PLXNA4: variants seen among roughly 807,000 people sequenced by gnomAD.
The protein encoded by PLXNA4 is plexin A4, also known as plexin-A4.
In PLXNA4, 44 loss-of-function variants were observed where a neutral mutation model predicts 191.8. That is an observed-to-expected ratio of 0.23 (90% confidence interval 0.18 to 0.29). The LOEUF (loss-of-function observed/expected upper bound fraction) is 0.29, where lower values mean the gene tolerates loss of function less well. PLXNA4 is among the 10% of genes least tolerant of loss of function. The pLI is 1.00. For synonymous variants in PLXNA4, 1,082 were observed against 1,009.5 expected (o/e 1.07, Z -1.36); for missense variants, 1,800 against 2,488.8 (o/e 0.72, Z 5.89).
intron 3 of PLXNA4, among the ~76,000 whole-genome samples, chr7:132,345,522 A>G (rs1389791292): frequency 6.6e-6 from 1 of 152,112 alleles, no homozygotes; most frequent in Non-Finnish European, 1.5e-5. Flanking sequence ...CATCCCAACT[A>G]CTGGGAAAGG....
chr7:132,203,993 G>T (rs936269929), intron 10 of PLXNA4, among the ~76,000 whole-genome samples: 1 of 152,178 alleles, frequency 6.6e-6, no homozygotes, highest in Admixed American at 6.5e-5. Context: ...GGGGATGAGA[G>T]GCTGGGGGTT....
chr7:132,535,794 A>G (rs1002981152), intron 1 of PLXNA4, among the ~76,000 whole-genome samples: 6 of 151,720 alleles, frequency 4.0e-5, no homozygotes, highest in Non-Finnish European at 8.8e-5. Context: ...CCCCTGCACC[A>G]ATAGGAGCTA....
At chr7:132,280,172 G>A (rs540791377) in intron 4 of PLXNA4, among the ~76,000 whole-genome samples, 2 of 152,256 alleles carry the variant, frequency 1.3e-5, no homozygotes, top group East Asian at 3.9e-4. Context: ...CCAGCAGTTT[G>A]AAAAACACTG....
intron 3 of PLXNA4, among the ~76,000 whole-genome samples, chr7:132,432,415 C>T (rs1795297725): frequency 6.6e-6 from 1 of 152,226 alleles, no homozygotes; most frequent in Non-Finnish European, 1.5e-5. Context: ...CCTACTCCTG[C>T]ATTGCCATCT....
At chr7:132,387,818 C>A (rs1481450679) in intron 3 of PLXNA4, among the ~76,000 whole-genome samples, 3 of 152,096 alleles carry the variant, frequency 2.0e-5, no homozygotes, top group Non-Finnish European at 2.9e-5. Flanking sequence ...TGACTGGCTG[C>A]AAGTTTGATT....
upstream of PLXNA4, among the ~76,000 whole-genome samples, chr7:132,580,943 G>A (rs1472259518): frequency 6.6e-6 from 1 of 152,186 alleles, no homozygotes; most frequent in Non-Finnish European, 1.5e-5. Flanking sequence ...CCACAGCTCA[G>A]CAGAGGAGGC....
chr7:132,412,789 C>G (rs1794512080), intron 3 of PLXNA4, among the ~76,000 whole-genome samples: 1 of 152,184 alleles, frequency 6.6e-6, no homozygotes, highest in African/African-American at 2.4e-5. Flanking sequence ...TTCCAGAGAG[C>G]TCACTGCTTG....
chr7:132,380,183 A>G (rs10240055), intron 3 of PLXNA4, among the ~76,000 whole-genome samples: 25,525 of 152,120 alleles, frequency 0.17, 2,730 homozygotes, highest in African/African-American at 0.28. Context: ...TTAATGAATC[A>G]AAATACCAAA....
intron 2 of PLXNA4, among the ~76,000 whole-genome samples, chr7:132,604,507 G>A (rs185389528): frequency 7.8e-4 from 119 of 152,206 alleles, no homozygotes; most frequent in African/African-American, 2.7e-3. Context: ...TGCTGGTTTC[G>A]TTACATGAAA....
chr7:132,132,392 G>C (rs564840886), intron 31 of PLXNA4, among the ~76,000 whole-genome samples: 1 of 39,134 alleles, frequency 2.6e-5, no homozygotes, highest in South Asian at 9.7e-4. Context: ...GTTCTGTTCT[G>C]TTCTGTTCTG....
At chr7:132,567,947 TA>T (rs1801808805) in intron 1 of PLXNA4, among the ~76,000 whole-genome samples, 1 of 152,068 alleles carries the variant, frequency 6.6e-6, no homozygotes, top group Non-Finnish European at 1.5e-5. Flanking sequence ...AATCAGTGGT[TA>T]GGGGCAAGTG....
intron 3 of PLXNA4, among the ~76,000 whole-genome samples, chr7:132,468,741 CACACACACACACACAAT>C (rs1248198831): frequency 1.6e-5 from 2 of 124,966 alleles, no homozygotes; most frequent in Non-Finnish European, 3.4e-5. Context: ...CACGCACACA[CACACACACACACACAAT>C]ACACACACAC....
chr7:132,403,065 G>A (rs532727825), intron 3 of PLXNA4, among the ~76,000 whole-genome samples: 1 of 152,358 alleles, frequency 6.6e-6, no homozygotes, highest in East Asian at 1.9e-4. Flanking sequence ...GTGTGGTTCA[G>A]AGCCAGAGAG....
At chr7:132,530,980 G>C (rs1369410492) in intron 1 of PLXNA4, among the ~76,000 whole-genome samples, 2 of 152,158 alleles carry the variant, frequency 1.3e-5, no homozygotes, top group African/African-American at 2.4e-5. Flanking sequence ...AGACATAAAA[G>C]GACAAATATT....
intron 4 of PLXNA4, among the ~76,000 whole-genome samples, chr7:132,265,913 A>T (rs1453021550): frequency 6.6e-6 from 1 of 152,234 alleles, no homozygotes; most frequent in Admixed American, 6.5e-5. Flanking sequence ...ATGGAGGTGC[A>T]CACAGGTCCT....
chr7:132,470,407 C>A (rs1796890172), intron 3 of PLXNA4, among the ~76,000 whole-genome samples: 1 of 152,192 alleles, frequency 6.6e-6, no homozygotes, highest in Admixed American at 6.5e-5. Flanking sequence ...CTCAGTAGAC[C>A]TATCTGGTCC....
At chr7:132,639,344 G>A (rs1803670809) in intron 2 of PLXNA4, among the ~76,000 whole-genome samples, 1 of 152,158 alleles carries the variant, frequency 6.6e-6, no homozygotes, top group Non-Finnish European at 1.5e-5. Context: ...CAAACCTCAT[G>A]CTCTTGCGTC....
chr7:132,436,756 G>A (rs1179808951), intron 3 of PLXNA4, among the ~76,000 whole-genome samples: 1 of 152,156 alleles, frequency 6.6e-6, no homozygotes, highest in African/African-American at 2.4e-5. Flanking sequence ...GCGAGAGAGA[G>A]GAAAGGAGAA....
chr7:132,253,786 C>A (rs1404943026), intron 4 of PLXNA4, among the ~76,000 whole-genome samples: 2 of 152,128 alleles, frequency 1.3e-5, no homozygotes, highest in Non-Finnish European at 2.9e-5. Flanking sequence ...CTGCAGAAAA[C>A]CCACACCAAT....
Sources: gnomAD v4.1 joint callset for allele counts (sites outside exome capture counted in the v4.1 genomes callset) on GRCh38, gnomAD v4.1.1 for gene constraint, MANE v1.5 for transcripts, NCBI Gene and HGNC (gene_info 2026-07-23, HGNC 2026-07-21) for gene names.